PRKG2: variants seen among roughly 807,000 people sequenced by gnomAD.
The protein encoded by PRKG2 is protein kinase cGMP-dependent 2.
Under a neutral mutation model 97.2 loss-of-function variants are expected in PRKG2, and 33 were observed. That is an observed-to-expected ratio of 0.34 (90% CI 0.26 to 0.45). The LOEUF (loss-of-function observed/expected upper bound fraction) is 0.45. PRKG2 is among the 20% of genes least tolerant of loss of function. The pLI is 1.00. For missense variants in PRKG2, 638 were observed against 900.0 expected, an observed-to-expected ratio of 0.71 and a Z score of 3.73; for synonymous variants, 330 against 321.8, an observed-to-expected ratio of 1.03 and a Z score of -0.27.
chr4:81,213,714 T>C (rs1754124457), intron 1 of PRKG2, among the ~76,000 whole-genome samples: 1 of 152,118 alleles, frequency 6.6e-6, no homozygotes, highest in African/African-American at 2.4e-5. Flanking sequence ...AGATAATTCA[T>C]AGGAAAAATA....
At chr4:81,185,706 G>A (rs768976140) in intron 2 of PRKG2, among the ~76,000 whole-genome samples, 8 of 151,582 alleles carry the variant, frequency 5.3e-5, no homozygotes, top group East Asian at 1.9e-4. Flanking sequence ...AAGACCCCTC[G>A]GGGTGCTGTG....
intron 1 of PRKG2, among the ~76,000 whole-genome samples, chr4:81,211,694 TC>T (rs1191243768): frequency 6.6e-6 from 1 of 151,384 alleles, no homozygotes; most frequent in Non-Finnish European, 1.5e-5. Flanking sequence ...AAGCTCAGAG[TC>T]CCAACACTAT....
chr4:81,163,086 G>A (rs1307386904), intron 6 of PRKG2, among the ~76,000 whole-genome samples: 1 of 152,110 alleles, frequency 6.6e-6, no homozygotes, highest in African/African-American at 2.4e-5. Context: ...CCTTCCTAGT[G>A]GTATTTTTCT....
intron 18 of PRKG2, among the ~76,000 whole-genome samples, chr4:81,091,686 T>A (rs1272815466): frequency 3.3e-5 from 5 of 152,176 alleles, no homozygotes; most frequent in Non-Finnish European, 7.4e-5. Context: ...TACCAATGTA[T>A]AAGAGGAAAT....
intron 14 of PRKG2, among the ~76,000 whole-genome samples, chr4:81,115,395 T>G (rs549269351): frequency 1.3e-5 from 2 of 152,352 alleles, no homozygotes; most frequent in East Asian, 3.9e-4. Context: ...GGGAGCAATT[T>G]ATTCCCACAC....
chr4:81,088,473 T>C lies in PRKG2; in HGVS notation c.*1235A>G, dbSNP rs926457136. ...AGGGTAAGGGAATGATCATGGTCAA[T>C]ACATACAACCATTCACCAGTGAAGT... On this transcript the variant is annotated 3_prime_UTR_variant, in exon 19 of 19. Transcript: ENST00000264399. 1 of 152,184 alleles carries C rather than the reference T, an allele frequency of 6.6e-6. No homozygotes were observed. Among genetic ancestry groups the C allele is most frequent in the Admixed American group, 6.6e-5 (1 of 15,264 alleles). 9.4% of individuals were successfully genotyped at this position (152,184 alleles called of 1,614,324 possible). A position where few individuals can be genotyped will look rare whatever the true frequency, so the allele number is the denominator to read the frequency against.
intron 15 of PRKG2, among the ~76,000 whole-genome samples, chr4:81,108,628 C>T (rs945280344): frequency 3.3e-5 from 5 of 152,086 alleles, no homozygotes; most frequent in Admixed American, 1.3e-4. Flanking sequence ...AGTGTGATGG[C>T]TCACACTTGT....
chr4:81,156,226 T>C (rs1316846755), intron 6 of PRKG2, among the ~76,000 whole-genome samples: 2 of 151,852 alleles, frequency 1.3e-5, no homozygotes, highest in East Asian at 3.9e-4. Flanking sequence ...AATAAAAGGA[T>C]GGAGGAAGAT....
At chr4:81,132,535 T>C (rs1417763007) in intron 14 of PRKG2, among the ~76,000 whole-genome samples, 1 of 152,200 alleles carries the variant, frequency 6.6e-6, no homozygotes, top group East Asian at 1.9e-4. Context: ...CCATTCCTTA[T>C]ACACTGAAGA....
chr4:81,119,210 T>C (rs1744841286), intron 14 of PRKG2, among the ~76,000 whole-genome samples: 1 of 152,238 alleles, frequency 6.6e-6, no homozygotes, highest in African/African-American at 2.4e-5. Context: ...CTAGATTTCC[T>C]CCTATGTTAT....
chr4:81,213,563 G>T (rs1754116203), intron 1 of PRKG2, among the ~76,000 whole-genome samples: 1 of 152,118 alleles, frequency 6.6e-6, no homozygotes, highest in Admixed American at 6.6e-5. Flanking sequence ...CATGGAAAGA[G>T]CTGACACTAA....
chr4:81,136,133 C>T (rs534798130), intron 13 of PRKG2, among the ~76,000 whole-genome samples: 1 of 152,232 alleles, frequency 6.6e-6, no homozygotes, highest in South Asian at 2.1e-4. Context: ...AATGCATTTG[C>T]AGGTATCACA....
chr4:81,141,214 T>C (rs565994302), intron 11 of PRKG2, among the ~76,000 whole-genome samples: 168 of 152,178 alleles, frequency 1.1e-3, no homozygotes, highest in African/African-American at 3.9e-3. Flanking sequence ...CCTCACTATG[T>C]TGCTCAGGCT....
At chr4:81,137,509 A>T in intron 12 of PRKG2, 27 bp from the exon 13 acceptor site, 2 of 1,545,602 alleles carry the variant, frequency 1.3e-6, no homozygotes, top group Non-Finnish European at 1.8e-6. Flanking sequence ...AAACATGGTT[A>T]TTATTGGAAA....
At chr4:81,176,294 A>G (rs1371035079) in intron 2 of PRKG2, among the ~76,000 whole-genome samples, 1 of 152,150 alleles carries the variant, frequency 6.6e-6, no homozygotes, top group Non-Finnish European at 1.5e-5. Flanking sequence ...TCCAAGAACA[A>G]ATCTTAGGTC....
At chr4:81,148,984 C>A in intron 8 of PRKG2, 32 bp from the exon 9 acceptor site, 1 of 1,593,556 alleles carries the variant, frequency 6.3e-7, no homozygotes, top group Non-Finnish European at 8.6e-7. Flanking sequence ...TCAATTTTCA[C>A]TATAATTAGA....
chr4:81,138,537 A>G (rs114853896), intron 12 of PRKG2, among the ~76,000 whole-genome samples: 1,717 of 152,116 alleles, frequency 0.011, 31 homozygotes, highest in African/African-American at 0.039. Flanking sequence ...TACAGATTAC[A>G]TATTATTATG....
At chr4:81,152,805 G>C (rs570726529) in intron 7 of PRKG2, among the ~76,000 whole-genome samples, 2 of 152,270 alleles carry the variant, frequency 1.3e-5, no homozygotes, top group East Asian at 3.9e-4. Flanking sequence ...GGGAAAAAAT[G>C]ACAAGAAGTA....
At chr4:81,124,808 G>T (rs1334248496) in intron 14 of PRKG2, among the ~76,000 whole-genome samples, 1 of 152,148 alleles carries the variant, frequency 6.6e-6, no homozygotes, top group Non-Finnish European at 1.5e-5. Flanking sequence ...GATCATAAAT[G>T]ATTATTGTTG....
Sources: gnomAD v4.1 joint callset for allele counts (sites outside exome capture counted in the v4.1 genomes callset) on GRCh38, gnomAD v4.1.1 for gene constraint, MANE v1.5 for transcripts, NCBI Gene and HGNC (gene_info 2026-07-23, HGNC 2026-07-21) for gene names.